PDGFRA: variants seen among roughly 807,000 people sequenced by gnomAD.
PDGFRA encodes the protein platelet-derived growth factor receptor alpha.
PDGFRA carries 25 observed loss-of-function variants against 121.5 expected under a neutral mutation model. The observed-to-expected ratio is 0.21, with a 90% CI of 0.15 to 0.29. The LOEUF (loss-of-function observed/expected upper bound fraction) is 0.29. Ranked by LOEUF, PDGFRA falls within the 10% of genes least tolerant of loss-of-function variation. PDGFRA has a pLI of 1.00. For missense variants in PDGFRA, 1,008 were observed against 1,345.1 expected (o/e 0.75, Z 3.92); for synonymous variants, 463 against 494.8 (o/e 0.94, Z 0.85).
chr4:54,234,245 C>T (rs1451432220), intron 1 of PDGFRA, among the ~76,000 whole-genome samples: 4 of 145,674 alleles, frequency 2.7e-5, no homozygotes, highest in African/African-American at 1.0e-4. Context: ...CCATTTTCAA[C>T]AGCAGTTTTC....
chr4:54,274,902 A>G lies in PDGFRA; in HGVS notation c.1715A>G (p.Tyr572Cys). The change falls in exon 12 of 23, where the codon TAT becomes TGT. Residue 572 changes from tyrosine to cysteine, a missense_variant. Around this residue, in one of 5 missense-constraint regions of PDGFRA, gnomAD observed 575 missense variants for 701.8 expected, o/e 0.82. Transcript: ENST00000257290. ...IESISPDGHE[Y>C]IYVDPMQLPY... ...TCAATCAGCCCAGATGGACATGAATATATTTATGTGGACCCGATGCAGCTG... is the reference window on the plus strand; with the variant it reads ...TCAATCAGCCCAGATGGACATGAATGTATTTATGTGGACCCGATGCAGCTG... 6.2e-7 allele frequency: 1 copy of G among 1,614,042 alleles called. No individual in the cohort carries two copies. Among genetic ancestry groups the G allele is most frequent in the Non-Finnish European group, 8.5e-7 (1 of 1,179,894 alleles).
chr4:54,257,394 T>G (rs1219191228), intron 1 of PDGFRA, among the ~76,000 whole-genome samples: 1 of 152,210 alleles, frequency 6.6e-6, no homozygotes, highest in African/African-American at 2.4e-5. Flanking sequence ...AGCCACCCTT[T>G]TTTATTCCTT....
intron 1 of PDGFRA, among the ~76,000 whole-genome samples, chr4:54,232,270 GA>G (rs1348838422): frequency 6.6e-6 from 1 of 152,232 alleles, no homozygotes; most frequent in Non-Finnish European, 1.5e-5. Context: ...TGGGGCGCAA[GA>G]TGCAGGATCG....
intron 1 of PDGFRA, among the ~76,000 whole-genome samples, chr4:54,246,476 A>C (rs1361230616): frequency 6.6e-6 from 1 of 152,250 alleles, no homozygotes; most frequent in Non-Finnish European, 1.5e-5. Context: ...TACTGGGTAC[A>C]TAACGAAATG....
chr4:54,237,500 C>A (rs1721080055), intron 1 of PDGFRA, among the ~76,000 whole-genome samples: 1 of 152,204 alleles, frequency 6.6e-6, no homozygotes, highest in South Asian at 2.1e-4. Context: ...CCAAAGACAT[C>A]AAGCTGGCTC....
At chr4:54,259,378 A>G (rs1298255019) in intron 2 of PDGFRA, among the ~76,000 whole-genome samples, 1 of 152,226 alleles carries the variant, frequency 6.6e-6, no homozygotes, top group African/African-American at 2.4e-5. Context: ...CTTGTCTTAA[A>G]TCATAACTCT....
At chr4:54,274,097 A>G (rs1723570045) in intron 10 of PDGFRA, among the ~76,000 whole-genome samples, 1 of 152,184 alleles carries the variant, frequency 6.6e-6, no homozygotes, top group Non-Finnish European at 1.5e-5. Context: ...GAGTGTGGGG[A>G]AGGATCTTCT....
chr4:54,237,822 TAGTC>T (rs1265473061), intron 1 of PDGFRA, among the ~76,000 whole-genome samples: 3 of 151,514 alleles, frequency 2.0e-5, no homozygotes, highest in African/African-American at 4.9e-5. Context: ...CCCTAGGAAA[TAGTC>T]AGGCAAGTAG....
chr4:54,280,286 T>C (rs777272507), intron 15 of PDGFRA, 30 bp from the exon 16 acceptor site: 2 of 1,604,218 alleles, frequency 1.2e-6, no homozygotes, highest in Admixed American at 3.3e-5. Flanking sequence ...AAGGGCACCC[T>C]GGGTAAGATT....
chr4:54,257,031 A>T (rs1722410133), intron 1 of PDGFRA, among the ~76,000 whole-genome samples: 1 of 152,144 alleles, frequency 6.6e-6, no homozygotes, highest in South Asian at 2.1e-4. Context: ...CCTGTTTCAT[A>T]AACAAATTAA....
At chr4:54,282,002 T>C (rs1724104629) in intron 16 of PDGFRA, 1 of 1,041,508 alleles carries the variant, frequency 9.6e-7, no homozygotes, top group Middle Eastern at 4.3e-4. Context: ...CTTGTATGTG[T>C]GCTCCATGTA....
chr4:54,231,754 T>C (rs536347342), intron 1 of PDGFRA, among the ~76,000 whole-genome samples: 77 of 152,140 alleles, frequency 5.1e-4, no homozygotes, highest in African/African-American at 1.8e-3. Flanking sequence ...TTCACAAGAG[T>C]GAGGGGAAGC....
At chr4:54,246,344 G>T (rs977158665) in intron 1 of PDGFRA, among the ~76,000 whole-genome samples, 1 of 152,118 alleles carries the variant, frequency 6.6e-6, no homozygotes, top group Non-Finnish European at 1.5e-5. Context: ...AAATGTAAAA[G>T]AACAGAAATT....
chr4:54,288,332 C>T (rs573762904), intron 19 of PDGFRA, among the ~76,000 whole-genome samples: 2 of 152,098 alleles, frequency 1.3e-5, no homozygotes, highest in South Asian at 4.1e-4. Flanking sequence ...AGTTCTCCCT[C>T]CATGGATGAT....
intron 16 of PDGFRA, among the ~76,000 whole-genome samples, chr4:54,284,995 G>A (rs1006927692): frequency 1.4e-5 from 2 of 146,446 alleles, no homozygotes; most frequent in African/African-American, 2.5e-5. Context: ...CCTGATTCAA[G>A]CAATTCCCCT....
chr4:54,244,610 G>T (rs1223235461), intron 1 of PDGFRA, among the ~76,000 whole-genome samples: 1 of 152,172 alleles, frequency 6.6e-6, no homozygotes, highest in African/African-American at 2.4e-5. Flanking sequence ...AAACCACAAA[G>T]ATGGGGAAAA....
chr4:54,273,843 C>A, intron 10 of PDGFRA, 113 bp downstream of exon 10: 1 of 841,780 alleles, frequency 1.2e-6, no homozygotes, highest in Non-Finnish European at 2.0e-6. Flanking sequence ...GGCAGAAATT[C>A]AGTTATGAAT....
In PDGFRA at chr4:54,258,826, C is replaced by T. The variant is rs372348389; in HGVS notation, c.49+9C>T. ...AGGCTGTCTTCTCACAGGTACGGAG[C>T]CCAGTCCTCTCTGAGTTCCTTGTTT... On this transcript the variant is annotated intron_variant, in intron 2 of 22. Transcript: ENST00000257290. 1.2e-6 allele frequency: 2 copies of T among 1,611,390 alleles called. No individual in the cohort carries two copies. Among genetic ancestry groups the T allele is most frequent in the Admixed American group, 1.7e-5 (1 of 60,010 alleles).
chr4:54,264,853 C>T, intron 4 of PDGFRA, 66 bp from the exon 5 acceptor site: 2 of 1,399,760 alleles, frequency 1.4e-6, no homozygotes, highest in African/African-American at 1.5e-5. Context: ...AAAAAAAAAC[C>T]CAAACTTTAT....
Sources: gnomAD v4.1 joint callset for allele counts (sites outside exome capture counted in the v4.1 genomes callset) on GRCh38, gnomAD v4.1.1 for gene constraint, gnomAD v4.1.1 regional missense constraint, MANE v1.5 for transcripts, NCBI Gene and HGNC (gene_info 2026-07-23, HGNC 2026-07-21) for gene names.